PRELID2: variants seen among roughly 807,000 people sequenced by gnomAD.
PRELID2 encodes the protein PRELI domain-containing protein 2.
In PRELID2, 25 loss-of-function variants were observed where a neutral mutation model predicts 28.4. That is an observed-to-expected ratio of 0.88 (90% CI 0.64 to 1.23). The LOEUF (loss-of-function observed/expected upper bound fraction) is 1.23. Among genes scored for constraint, PRELID2 ranks in the 50% most tolerant of loss-of-function variants. PRELID2 has a pLI of 0.00. For synonymous variants in PRELID2, 76 were observed against 71.6 expected (o/e 1.06, Z -0.31); for missense variants, 201 against 214.4 (o/e 0.94, Z 0.39).
rs144339486 is a variant in PRELID2 at position 145,547,490 on chromosome 5, T to C, written n.71-74175A>G. Among the ~76,000 whole-genome samples, 72 of 152,312 alleles carry C rather than the reference T, an allele frequency of 4.7e-4. No homozygotes were observed. The East Asian group carries it at 9.8e-3, about 21-fold the overall frequency. On this transcript the variant is annotated intron_variant and non_coding_transcript_variant, in intron 1 of 2. Transcript: ENST00000510259. ...CACCAACTGTGCAATAAAAGGTTGATTTAAAAGTTAATATAAGAAAAGAAA... is the reference window on the plus strand; with the variant it reads ...CACCAACTGTGCAATAAAAGGTTGACTTAAAAGTTAATATAAGAAAAGAAA...
chr5:145,291,141 C>T, the PRELID2 span, among the ~76,000 whole-genome samples: 1 of 151,472 alleles, frequency 6.6e-6, no homozygotes, highest in African/African-American at 2.4e-5. Flanking sequence ...AGATCAAGAC[C>T]ATCCTGGCCA....
intron 1 of PRELID2, among the ~76,000 whole-genome samples, chr5:145,635,891 TC>T (rs2149661074): frequency 6.6e-6 from 1 of 152,312 alleles, no homozygotes; most frequent in East Asian, 1.9e-4. Flanking sequence ...CTCTACCTGC[TC>T]TTCAATCCTG....
chr5:145,677,641 G>C (rs1482811123), intron 1 of PRELID2, among the ~76,000 whole-genome samples: 1 of 152,032 alleles, frequency 6.6e-6, no homozygotes, highest in African/African-American at 2.4e-5. Flanking sequence ...ACAGGCACAG[G>C]GGTTCATTGT....
the PRELID2 span, among the ~76,000 whole-genome samples, chr5:145,390,991 T>C: frequency 9.9e-5 from 15 of 152,156 alleles, no homozygotes; most frequent in Non-Finnish European, 2.9e-5. Context: ...CACATCCACA[T>C]CACACTGATG....
At chr5:145,314,865 G>T in the PRELID2 span, among the ~76,000 whole-genome samples, 1 of 151,446 alleles carries the variant, frequency 6.6e-6, no homozygotes, top group Admixed American at 6.6e-5. Flanking sequence ...TACTCATATT[G>T]CTTTTCAGCC....
chr5:145,463,705 G>A, the PRELID2 span, among the ~76,000 whole-genome samples: 16 of 152,154 alleles, frequency 1.1e-4, no homozygotes, highest in East Asian at 2.9e-3. Flanking sequence ...AGCCTACAGG[G>A]GCCTGAAGGT....
chr5:145,701,549 G>C (rs952124014), intron 1 of PRELID2, among the ~76,000 whole-genome samples: 1 of 152,194 alleles, frequency 6.6e-6, no homozygotes, highest in Non-Finnish European at 1.5e-5. Flanking sequence ...AATGAGCAAA[G>C]AGGTTGGTGG....
chr5:145,535,511 T>C (rs1752691298), intron 1 of PRELID2, among the ~76,000 whole-genome samples: 1 of 151,838 alleles, frequency 6.6e-6, no homozygotes, highest in South Asian at 2.1e-4. Context: ...TAAGGAGTAT[T>C]TTTTATTATT....
Position 145,567,418 on chromosome 5 carries a change from C to T in PRELID2, n.71-94103G>A, listed in dbSNP as rs562020945. ...TTTGAAACAGGGTCTCACTCTGTCA[C>T]CAAGGCTGGGGTGCAGTGGTGTGAT... On this transcript the variant is annotated intron_variant and non_coding_transcript_variant, in intron 1 of 2. Coordinates refer to the PRELID2 transcript ENST00000510259. 6.7e-5 allele frequency among the ~76,000 whole-genome samples: 10 copies of T among 149,670 alleles called. 1 individual carries two copies. The highest frequency in any genetic ancestry group is 2.3e-4 in the African/African-American group (9 of 39,302).
At chr5:145,554,761 C>G (rs533414448) in intron 1 of PRELID2, among the ~76,000 whole-genome samples, 1 of 152,292 alleles carries the variant, frequency 6.6e-6, no homozygotes, top group Non-Finnish European at 1.5e-5. Context: ...AGAACTTTTC[C>G]TCTATTCCCC....
intron 1 of PRELID2, among the ~76,000 whole-genome samples, chr5:145,593,473 A>G (rs1025832796): frequency 6.6e-6 from 1 of 152,206 alleles, no homozygotes; most frequent in Admixed American, 6.5e-5. Context: ...ACTGGAGTCC[A>G]TTGCAATCAG....
chr5:145,420,162 T>C, the PRELID2 span, among the ~76,000 whole-genome samples: 2 of 152,064 alleles, frequency 1.3e-5, no homozygotes, highest in Non-Finnish European at 1.5e-5. Flanking sequence ...AGTCAGGTAG[T>C]GTGATGCCTC....
the PRELID2 span, among the ~76,000 whole-genome samples, chr5:145,421,906 G>A: frequency 6.6e-6 from 1 of 151,662 alleles, no homozygotes; most frequent in South Asian, 2.1e-4. Context: ...TGCTTTGAAT[G>A]CGTCCCAGAG....
At chr5:145,298,964 A>G in the PRELID2 span, among the ~76,000 whole-genome samples, 6 of 152,148 alleles carry the variant, frequency 3.9e-5, no homozygotes, top group African/African-American at 1.4e-4. Flanking sequence ...ATTATCAAAA[A>G]CAACATAAAA....
At chr5:145,405,974 G>A in the PRELID2 span, among the ~76,000 whole-genome samples, 16 of 151,944 alleles carry the variant, frequency 1.1e-4, no homozygotes, top group Admixed American at 3.3e-4. Flanking sequence ...CAAAGTGCTG[G>A]GGTTACAGGT....
intron 5 of PRELID2, among the ~76,000 whole-genome samples, chr5:145,767,205 A>C (rs1034196579): frequency 4.1e-5 from 6 of 146,334 alleles, no homozygotes; most frequent in East Asian, 2.1e-4. Context: ...AGAGGAGAAG[A>C]AGCAGCTGGA....
intron 1 of PRELID2, among the ~76,000 whole-genome samples, chr5:145,498,392 GC>G (rs1403128052): frequency 6.6e-6 from 1 of 152,220 alleles, no homozygotes; most frequent in African/African-American, 2.4e-5. Context: ...AAGCATGGTG[GC>G]GTGCATCTGC....
chr5:145,592,583 A>C (rs891874489), intron 1 of PRELID2, among the ~76,000 whole-genome samples: 51 of 152,194 alleles, frequency 3.4e-4, no homozygotes, highest in African/African-American at 1.2e-3. Flanking sequence ...AAAAAAGAGG[A>C]AACAAATGTA....
intron 1 of PRELID2, among the ~76,000 whole-genome samples, chr5:145,697,010 T>C (rs1213871602): frequency 1.3e-4 from 16 of 122,794 alleles, no homozygotes; most frequent in Non-Finnish European, 1.5e-4. Context: ...AGCAACAAAG[T>C]GGATGTAGGA....
Sources: gnomAD v4.1 joint callset for allele counts (sites outside exome capture counted in the v4.1 genomes callset) on GRCh38, gnomAD v4.1.1 for gene constraint, MANE v1.5 for transcripts, NCBI Gene and HGNC (gene_info 2026-07-23, HGNC 2026-07-21) for gene names.